Variants in NAA15 observed in about 807,000 individuals in gnomAD.
The protein encoded by NAA15 is N-terminal acetyltransferase.
A neutral mutation model predicts 114.0 loss-of-function variants in NAA15; 34 were observed. That is an observed-to-expected ratio of 0.30 (90% CI 0.23 to 0.40). The LOEUF (loss-of-function observed/expected upper bound fraction) is 0.40, where lower values mean the gene tolerates loss of function less well. NAA15 is among the 10% of genes least tolerant of loss of function. NAA15 has a pLI of 1.00. For synonymous variants in NAA15, 340 were observed against 338.0 expected (o/e 1.01, Z -0.06); for missense variants, 658 against 1,004.5 (o/e 0.66, Z 4.66).
intron 6 of NAA15, among the ~76,000 whole-genome samples, chr4:139,346,611 C>T (rs551406153): frequency 3.3e-5 from 5 of 151,292 alleles, no homozygotes; most frequent in East Asian, 1.9e-4. Flanking sequence ...AGTGCAGTGG[C>T]GCGATCTTGG....
intron 1 of NAA15, 81 bp from the exon 2 acceptor site, chr4:139,334,093 C>G: frequency 1.2e-6 from 1 of 815,726 alleles, no homozygotes; most frequent in East Asian, 2.8e-5. Context: ...TTGTATTTAA[C>G]AGAGTAGAGA....
At position 139,354,105 on chromosome 4, in the gene NAA15, C is replaced by T. The variant is rs1747866194; in HGVS notation, c.1087+7C>T. The stretch of plus-strand genomic sequence containing the variant: ...CGGTTATTTAACCCCAATGGTAAGT[C>T]CTCAAGTTTTATGTTTTAAAAACAT... On this transcript the variant is annotated splice_region_variant and intron_variant, in intron 10 of 19. Coordinates refer to ENST00000296543, the MANE Select transcript of NAA15 (RefSeq NM_057175.5). The T allele has an allele frequency of 6.2e-7, 1 of 1,607,546 alleles. No homozygotes were observed. The highest frequency in any genetic ancestry group is 1.3e-5 in the African/African-American group (1 of 74,650).
At chr4:139,342,801 A>G in intron 4 of NAA15, 25 bp from the exon 5 acceptor site, 1 of 1,598,910 alleles carries the variant, frequency 6.3e-7, no homozygotes, top group Non-Finnish European at 8.5e-7. Flanking sequence ...CCTAAGAAAA[A>G]GTGTTTATTT....
At chr4:139,313,479 C>G (rs1018956172) in intron 1 of NAA15, among the ~76,000 whole-genome samples, 2 of 151,300 alleles carry the variant, frequency 1.3e-5, no homozygotes, top group African/African-American at 4.9e-5. Flanking sequence ...CTTTGTGACA[C>G]TCCCTTAAGG....
intron 9 of NAA15, among the ~76,000 whole-genome samples, 159 bp downstream of exon 9, chr4:139,351,770 CA>C (rs1747786090): frequency 6.6e-6 from 1 of 152,104 alleles, no homozygotes; most frequent in East Asian, 1.9e-4. Context: ...CTCTTTTTTC[CA>C]TTTCATCCTC....
chr4:139,350,342 G>A (rs1254616813), intron 7 of NAA15, among the ~76,000 whole-genome samples: 1 of 152,208 alleles, frequency 6.6e-6, no homozygotes, highest in Non-Finnish European at 1.5e-5. Flanking sequence ...AATAAGCTCT[G>A]TGGTAAGCTG....
intron 16 of NAA15, among the ~76,000 whole-genome samples, chr4:139,377,535 T>A (rs1748623444): frequency 7.4e-6 from 1 of 135,758 alleles, no homozygotes. Context: ...TCAAACTCCA[T>A]CTCAAAAAAA....
intron 1 of NAA15, among the ~76,000 whole-genome samples, chr4:139,322,874 T>C (rs1030997922): frequency 7.9e-5 from 12 of 151,732 alleles, no homozygotes; most frequent in Admixed American, 3.3e-4. Context: ...CTATTTTTAG[T>C]AGAGATGGGT....
intron 10 of NAA15, among the ~76,000 whole-genome samples, chr4:139,354,721 T>C (rs1471540806): frequency 6.6e-6 from 1 of 152,238 alleles, no homozygotes; most frequent in Non-Finnish European, 1.5e-5. Context: ...TAATTCATAA[T>C]TGAATTTATT....
intron 18 of NAA15, among the ~76,000 whole-genome samples, chr4:139,385,831 T>G (rs1489835949): frequency 6.6e-6 from 1 of 152,140 alleles, no homozygotes; most frequent in East Asian, 1.9e-4. Context: ...AATACAAGTA[T>G]TATTAGAATG....
intron 1 of NAA15, among the ~76,000 whole-genome samples, chr4:139,315,056 T>TTAGGTTAGG (rs1560953050): frequency 0.022 from 913 of 40,926 alleles, 33 homozygotes; most frequent in East Asian, 0.056. Context: ...GTTAGGTTAG[T>TTAGGTTAGG]TTAGTTTAGT....
intron 1 of NAA15, among the ~76,000 whole-genome samples, chr4:139,305,701 A>G (rs550186577): frequency 1.3e-4 from 20 of 151,976 alleles, no homozygotes; most frequent in African/African-American, 4.8e-4. Context: ...CACCTAGCTA[A>G]TTTTGTATTG....
At chr4:139,321,075 C>T (rs888293224) in intron 1 of NAA15, among the ~76,000 whole-genome samples, 1 of 151,994 alleles carries the variant, frequency 6.6e-6, no homozygotes, top group Non-Finnish European at 1.5e-5. Context: ...AAAGAACCAG[C>T]TTTTGATTTC....
chr4:139,365,503 C>CT (rs1451774584), intron 14 of NAA15, among the ~76,000 whole-genome samples: 1 of 152,050 alleles, frequency 6.6e-6, no homozygotes, highest in African/African-American at 2.4e-5. Context: ...ATATTATACT[C>CT]TAATTCGTGA....
chr4:139,365,696 A>G (rs1748260598), intron 14 of NAA15, among the ~76,000 whole-genome samples: 1 of 151,954 alleles, frequency 6.6e-6, no homozygotes, highest in Non-Finnish European at 1.5e-5. Flanking sequence ...ACCCCAACCA[A>G]CCAAACAAAA....
chr4:139,332,572 G>GGTTTTTTT (rs1747051837), intron 1 of NAA15, among the ~76,000 whole-genome samples: 2 of 62,012 alleles, frequency 3.2e-5, no homozygotes, highest in African/African-American at 1.6e-4. Flanking sequence ...TGGTTTGTAT[G>GGTTTTTTT]TTTTTTTTTT....
intron 11 of NAA15, 67 bp downstream of exon 11, chr4:139,357,622 T>G: frequency 2.9e-6 from 3 of 1,019,068 alleles, no homozygotes; most frequent in Non-Finnish European, 4.3e-6. Context: ...TCTCTGTATT[T>G]TATAGATTCT....
intron 1 of NAA15, among the ~76,000 whole-genome samples, chr4:139,329,105 C>T (rs1746910253): frequency 6.7e-6 from 1 of 148,566 alleles, no homozygotes; most frequent in Admixed American, 6.8e-5. Flanking sequence ...TGGTCTCAAA[C>T]TCCTGGTCTC....
At chr4:139,387,340 T>C (rs1477569009) in intron 19 of NAA15, among the ~76,000 whole-genome samples, 3 of 152,254 alleles carry the variant, frequency 2.0e-5, no homozygotes, top group Admixed American at 2.0e-4. Flanking sequence ...AACTAATTTT[T>C]CTTGCAAATA....
Sources: allele counts gnomAD v4.1 joint callset (sites outside exome capture counted in the v4.1 genomes callset), GRCh38; gene constraint gnomAD v4.1.1; transcripts MANE v1.5; gene names NCBI Gene and HGNC (gene_info 2026-07-23, HGNC 2026-07-21).